Variants in DNAH11 observed in about 807,000 individuals in gnomAD.
The protein encoded by DNAH11 is dynein axonemal heavy chain 11, also known as axonemal beta dynein heavy chain 11.
DNAH11 carries 442 observed loss-of-function variants against 526.0 expected under a neutral mutation model. The observed-to-expected ratio is 0.84, with a 90% confidence interval of 0.78 to 0.91. The LOEUF is 0.91. DNAH11 is among the 40% of genes least tolerant of loss of function. The probability of loss-of-function intolerance (pLI) is 0.00; values close to 1 mark genes in which losing one functional copy is unlikely to be tolerated. For missense variants in DNAH11, 6,989 were observed against 5,448.7 expected (o/e 1.28, Z -8.90); for synonymous variants, 2,461 against 1,935.9 (o/e 1.27, Z -7.12).
At chr7:21,636,199 C>A in intron 26 of DNAH11, 104 bp downstream of exon 26, 3 of 940,586 alleles carry the variant, frequency 3.2e-6, no homozygotes, top group Non-Finnish European at 3.1e-6. Flanking sequence ...CATGAGTAAG[C>A]AGGAGTCAGG....
intron 72 of DNAH11, 39 bp from the exon 73 acceptor site, chr7:21,868,825 C>T: frequency 6.2e-7 from 1 of 1,613,022 alleles, no homozygotes; most frequent in East Asian, 2.2e-5. Context: ...CACCCTCCTT[C>T]ATAGACATTT....
At chr7:21,680,037 G>C (rs1783074147) in intron 30 of DNAH11, among the ~76,000 whole-genome samples, 1 of 152,136 alleles carries the variant, frequency 6.6e-6, no homozygotes, top group Admixed American at 6.6e-5. Context: ...TCAGTGCCTG[G>C]AACCTTCTTT....
chr7:21,749,972 A>G (rs1786340372), intron 53 of DNAH11, among the ~76,000 whole-genome samples, 171 bp downstream of exon 53: 1 of 152,200 alleles, frequency 6.6e-6, no homozygotes, highest in Non-Finnish European at 1.5e-5. Flanking sequence ...TAGTCTGTTT[A>G]TGGATGAGAA....
chr7:21,689,204 A>G (rs974295941), intron 34 of DNAH11, among the ~76,000 whole-genome samples: 1 of 152,122 alleles, frequency 6.6e-6, no homozygotes, highest in Admixed American at 6.5e-5. Flanking sequence ...CTCCAGCTAT[A>G]TTTTATCTAG....
At chr7:21,600,392 A>G (rs1322881820) in intron 15 of DNAH11, among the ~76,000 whole-genome samples, 2 of 152,148 alleles carry the variant, frequency 1.3e-5, no homozygotes, top group African/African-American at 2.4e-5. Flanking sequence ...CAGGAGTTAG[A>G]GGCTGCAGTG....
intron 2 of DNAH11, among the ~76,000 whole-genome samples, chr7:21,553,070 A>ATTTTTTTTTTTTTTTTT (rs35121910): frequency 7.5e-5 from 5 of 66,786 alleles, no homozygotes; most frequent in Non-Finnish European, 1.0e-4. Context: ...TATAAATGGG[A>ATTTTTTTTTTTTTTTTT]TTTTTTTTTT....
At chr7:21,739,911 TG>T (rs1284232341) in intron 48 of DNAH11, among the ~76,000 whole-genome samples, 2 of 152,216 alleles carry the variant, frequency 1.3e-5, no homozygotes, top group Non-Finnish European at 2.9e-5. Flanking sequence ...ATAATTCCTA[TG>T]TACTCTCTTA....
chr7:21,662,257 T>C (rs1782268366), intron 30 of DNAH11, among the ~76,000 whole-genome samples: 1 of 152,188 alleles, frequency 6.6e-6, no homozygotes, highest in Non-Finnish European at 1.5e-5. Context: ...TCCTCAGTAG[T>C]TTATAAGAAA....
intron 2 of DNAH11, among the ~76,000 whole-genome samples, chr7:21,555,716 C>A (rs1206108762): frequency 6.6e-6 from 1 of 152,202 alleles, no homozygotes; most frequent in East Asian, 1.9e-4. Flanking sequence ...GCCTGCTTTT[C>A]TCCCTGTGTT....
At chr7:21,833,076 C>T (rs141399245) in intron 65 of DNAH11, among the ~76,000 whole-genome samples, 7 of 152,324 alleles carry the variant, frequency 4.6e-5, no homozygotes, top group Non-Finnish European at 1.0e-4. Flanking sequence ...TTCCCAATCC[C>T]ATGACAGTGA....
chr7:21,599,397 G>T (rs547385528), intron 14 of DNAH11, among the ~76,000 whole-genome samples: 1 of 152,316 alleles, frequency 6.6e-6, no homozygotes, highest in South Asian at 2.1e-4. Context: ...GGACCAGTTT[G>T]ACAGATCTCT....
intron 76 of DNAH11, among the ~76,000 whole-genome samples, chr7:21,889,700 G>A (rs1309077637): frequency 6.6e-6 from 1 of 152,052 alleles, no homozygotes; most frequent in Non-Finnish European, 1.5e-5. Flanking sequence ...TATCTTCTTT[G>A]GAGAAATGTC....
intron 55 of DNAH11, among the ~76,000 whole-genome samples, chr7:21,769,936 A>G (rs1409294419): frequency 1.3e-5 from 2 of 152,142 alleles, no homozygotes; most frequent in Non-Finnish European, 2.9e-5. Context: ...GCCTCTGACC[A>G]GTAGTTGAGC....
At chr7:21,641,827 A>G (rs1340256723) in intron 28 of DNAH11, among the ~76,000 whole-genome samples, 5 of 152,198 alleles carry the variant, frequency 3.3e-5, no homozygotes, top group Non-Finnish European at 5.9e-5. Flanking sequence ...TACGCGTTCT[A>G]AATCCCTGAA....
chr7:21,598,214 T>G (rs1784938380), intron 14 of DNAH11, among the ~76,000 whole-genome samples: 2 of 152,178 alleles, frequency 1.3e-5, no homozygotes, highest in African/African-American at 2.4e-5. Flanking sequence ...AATCAGCTCT[T>G]ATTCCAATGT....
intron 49 of DNAH11, 81 bp from the exon 50 acceptor site, chr7:21,744,357 T>A: frequency 6.9e-7 from 1 of 1,439,826 alleles, no homozygotes; most frequent in South Asian, 1.2e-5. Flanking sequence ...AAGTTCACAT[T>A]TTAGTTTAAA....
At chr7:21,830,675 G>C (rs985673471) in intron 65 of DNAH11, among the ~76,000 whole-genome samples, 3 of 148,052 alleles carry the variant, frequency 2.0e-5, no homozygotes, top group Admixed American at 6.7e-5. Flanking sequence ...AAACTCTTTA[G>C]GTCCATAAAA....
chr7:21,692,271 G>T (rs1304743336), intron 35 of DNAH11, among the ~76,000 whole-genome samples: 1 of 152,194 alleles, frequency 6.6e-6, no homozygotes, highest in Non-Finnish European at 1.5e-5. Context: ...TACAGTTGGT[G>T]AAAGCATAAC....
In DNAH11 at chr7:21,836,044, G is replaced by T. The variant is rs115469469; in HGVS notation, c.10692-6500G>T. On this transcript the variant is annotated intron_variant, in intron 65 of 81. Transcript: ENST00000409508. ...TAAAAAACCTAAGAAATTTAACCAA[G>T]GAGGTGAAAAATCCTTACAAAGAAA... Among the ~76,000 whole-genome samples the T allele has an allele frequency of 5.4e-3, 823 of 152,022 alleles. 6 individuals carry two copies. The highest frequency in any genetic ancestry group is 0.019 in the African/African-American group (769 of 41,502).
Sources: gnomAD v4.1 joint callset for allele counts (sites outside exome capture counted in the v4.1 genomes callset) on GRCh38, gnomAD v4.1.1 for gene constraint, MANE v1.5 for transcripts, NCBI Gene and HGNC (gene_info 2026-07-23, HGNC 2026-07-21) for gene names.